DIAPH2: variants seen among roughly 807,000 people sequenced by gnomAD.
DIAPH2 encodes the protein diaphanous related formin 2, also known as protein diaphanous homolog 2.
DIAPH2 carries 35 observed loss-of-function variants against 92.7 expected under a neutral mutation model. That is an observed-to-expected ratio of 0.38 (90% CI 0.29 to 0.50). The LOEUF (loss-of-function observed/expected upper bound fraction) is 0.50. Among genes scored for constraint, DIAPH2 ranks in the 20% least tolerant of loss-of-function variants. The pLI, the probability that DIAPH2 is intolerant of heterozygous loss-of-function variation, is 0.94. For missense variants in DIAPH2, 701 were observed against 819.5 expected, an observed-to-expected ratio of 0.86 and a Z score of 1.77; for synonymous variants, 301 against 280.4, an observed-to-expected ratio of 1.07 and a Z score of -0.73.
At chrX:97,471,745 T>A (rs1942056795) in intron 26 of DIAPH2, among the ~76,000 whole-genome samples, 1 of 108,433 alleles carries the variant, frequency 9.2e-6, no homozygotes. Context: ...TGGAGGACTT[T>A]AACATTTCTT....
Position 96,881,730 on chromosome X carries a change from T to G in DIAPH2, c.587+12T>G, listed in dbSNP as rs776870814. Reference sequence around the variant, plus strand: ...AGCAATCCGGTCAGGTAAGTCGTTCTTATCATTTCGGTATGATTCATACAA... The same window carrying G: ...AGCAATCCGGTCAGGTAAGTCGTTCGTATCATTTCGGTATGATTCATACAA... On this transcript the variant is annotated intron_variant, in intron 5 of 26. Transcript: ENST00000324765. The G allele has an allele frequency of 3.3e-6, 4 of 1,201,273 alleles. No individual in the cohort carries two copies. The highest frequency in any genetic ancestry group is 4.5e-5 in the Admixed American group (2 of 44,514).
chrX:96,751,661 T>G (rs1183079444), intron 3 of DIAPH2, among the ~76,000 whole-genome samples: 1 of 74,522 alleles, frequency 1.3e-5, no homozygotes, highest in African/African-American at 4.5e-5. Context: ...TGTTTTTTTT[T>G]TTTTTTTTTT....
chrX:97,198,653 A>G, intron 22 of DIAPH2, among the ~76,000 whole-genome samples: 1 of 111,434 alleles, frequency 9.0e-6, no homozygotes, highest in Middle Eastern at 4.2e-3. Flanking sequence ...AAATTATAAC[A>G]TCTTTAAGCT....
At chrX:96,876,842 T>C (rs1298378745) in intron 4 of DIAPH2, among the ~76,000 whole-genome samples, 2 of 110,639 alleles carry the variant, frequency 1.8e-5, no homozygotes, top group Non-Finnish European at 3.8e-5. Context: ...CACACCAACA[T>C]GGCACATGTA....
At chrX:97,186,420 G>A (rs183717835) in intron 22 of DIAPH2, among the ~76,000 whole-genome samples, 5 of 111,320 alleles carry the variant, frequency 4.5e-5, no homozygotes, top group African/African-American at 9.8e-5. Context: ...GTTCTTATGC[G>A]TGTTCCTTTC....
chrX:97,273,670 G>A (rs1425813545), intron 23 of DIAPH2, among the ~76,000 whole-genome samples: 5 of 111,967 alleles, frequency 4.5e-5, no homozygotes, highest in Non-Finnish European at 9.4e-5. Flanking sequence ...GTGATACTCA[G>A]ATATTTTTCA....
chrX:96,899,301 T>C (rs1229403231), intron 5 of DIAPH2, among the ~76,000 whole-genome samples: 1 of 109,967 alleles, frequency 9.1e-6, no homozygotes, highest in Non-Finnish European at 1.9e-5. Flanking sequence ...GCATTGAATC[T>C]GTAAATTACC....
intron 26 of DIAPH2, among the ~76,000 whole-genome samples, chrX:97,596,987 A>AACAT (rs753414920): frequency 8.9e-6 from 1 of 112,375 alleles, no homozygotes; most frequent in South Asian, 3.7e-4. Flanking sequence ...AATTAGTTTT[A>AACAT]ACATAAATAC....
At chrX:97,003,399 C>T (rs1195056260) in intron 17 of DIAPH2, among the ~76,000 whole-genome samples, 1 of 111,829 alleles carries the variant, frequency 8.9e-6, no homozygotes, top group African/African-American at 3.2e-5. Context: ...AGAGGTTGTA[C>T]TAATTTACTT....
At chrX:97,424,970 A>C (rs141518664) in intron 25 of DIAPH2, among the ~76,000 whole-genome samples, 90 of 111,956 alleles carry the variant, frequency 8.0e-4, no homozygotes, top group African/African-American at 2.9e-3. Flanking sequence ...TTTTTATCTA[A>C]TTACAATATA....
intron 4 of DIAPH2, among the ~76,000 whole-genome samples, chrX:96,778,439 C>A (rs751292759): frequency 9.1e-6 from 1 of 109,899 alleles, no homozygotes; most frequent in African/African-American, 3.3e-5. Context: ...CTTTTCTGAG[C>A]CTTAGTTGCC....
intron 17 of DIAPH2, among the ~76,000 whole-genome samples, chrX:97,018,217 C>T (rs1322037218): frequency 1.8e-5 from 2 of 112,061 alleles, no homozygotes; most frequent in Non-Finnish European, 3.8e-5. Flanking sequence ...GTCATGTTAA[C>T]AGGCCTCTAA....
chrX:97,471,451 G>A (rs1324450548), intron 26 of DIAPH2, among the ~76,000 whole-genome samples: 1 of 111,164 alleles, frequency 9.0e-6, no homozygotes, highest in Non-Finnish European at 1.9e-5. Context: ...AACACTTTGA[G>A]AGGCCAAGGC....
chrX:97,499,627 A>G (rs1218614197), intron 26 of DIAPH2, among the ~76,000 whole-genome samples: 3 of 111,957 alleles, frequency 2.7e-5, no homozygotes, highest in Non-Finnish European at 5.6e-5. Context: ...AAATCATTCT[A>G]TGAAAAAGAC....
intron 26 of DIAPH2, among the ~76,000 whole-genome samples, chrX:97,538,901 C>T (rs1317972742): frequency 1.8e-5 from 2 of 112,105 alleles, no homozygotes; most frequent in Non-Finnish European, 3.8e-5. Context: ...ATTCAAGACT[C>T]CACTAGGATT....
intron 21 of DIAPH2, among the ~76,000 whole-genome samples, chrX:97,132,509 A>C (rs1321118086): frequency 1.8e-5 from 2 of 112,153 alleles, no homozygotes; most frequent in Non-Finnish European, 3.8e-5. Context: ...GTGGTATTAA[A>C]GAAAGCAATA....
chrX:96,795,838 G>C (rs755514297), intron 4 of DIAPH2, among the ~76,000 whole-genome samples: 14 of 111,976 alleles, frequency 1.3e-4, no homozygotes, highest in Non-Finnish European at 2.3e-4. Context: ...ATTAAAGTGA[G>C]TCAGGTAGAC....
chrX:97,572,058 C>CT (rs2071373426), intron 26 of DIAPH2, among the ~76,000 whole-genome samples: 1 of 100,596 alleles, frequency 9.9e-6, no homozygotes, highest in African/African-American at 3.5e-5. Flanking sequence ...GAAGCAGGAA[C>CT]TTGTGCTAGT....
At chrX:96,693,185 A>T in intron 1 of DIAPH2, among the ~76,000 whole-genome samples, 1 of 112,300 alleles carries the variant, frequency 8.9e-6, no homozygotes, top group Admixed American at 9.5e-5. Context: ...GGCAATAGGC[A>T]AATAATTTCA....
Sources: gnomAD v4.1 joint callset for allele counts (sites outside exome capture counted in the v4.1 genomes callset) on GRCh38, gnomAD v4.1.1 for gene constraint, MANE v1.5 for transcripts, NCBI Gene and HGNC (gene_info 2026-07-23, HGNC 2026-07-21) for gene names.